Variants in SLC8A1 observed in about 807,000 individuals in gnomAD.
SLC8A1 encodes the protein sodium/calcium exchanger 1.
In SLC8A1, 18 loss-of-function variants were observed where a neutral mutation model predicts 68.3. The observed-to-expected ratio is 0.26, with a 90% CI of 0.18 to 0.39. SLC8A1 has a LOEUF of 0.39. Ranked by LOEUF, SLC8A1 falls within the 10% of genes least tolerant of loss-of-function variation. SLC8A1 has a pLI of 1.00. For missense variants in SLC8A1, 985 were observed against 1,156.7 expected, an observed-to-expected ratio of 0.85 and a Z score of 2.15; for synonymous variants, 475 against 415.5, an observed-to-expected ratio of 1.14 and a Z score of -1.74.
intron 2 of SLC8A1, among the ~76,000 whole-genome samples, chr2:40,247,806 G>A (rs754249288): frequency 6.6e-6 from 1 of 152,192 alleles, no homozygotes; most frequent in Non-Finnish European, 1.5e-5. Context: ...AACCCAATAT[G>A]CACAGAAGTT....
intron 2 of SLC8A1, among the ~76,000 whole-genome samples, chr2:40,180,704 C>T (rs1029273839): frequency 2.0e-5 from 3 of 152,188 alleles, no homozygotes; most frequent in Non-Finnish European, 4.4e-5. Context: ...TTAAAAACAT[C>T]TGACGTTATA....
At chr2:40,407,714 T>C (rs1239081057) in intron 2 of SLC8A1, among the ~76,000 whole-genome samples, 10 of 152,226 alleles carry the variant, frequency 6.6e-5, no homozygotes, top group Admixed American at 5.9e-4. Flanking sequence ...TTGTTTACCC[T>C]TATGTCCCCA....
chr2:40,209,040 CAAA>C (rs919296128), intron 2 of SLC8A1: 4 of 149,708 alleles, frequency 2.7e-5, no homozygotes, highest in African/African-American at 9.8e-5. Context: ...ATCAGTGAAA[CAAA>C]AGAAGAAAAA....
In SLC8A1 at chr2:40,341,414, C is replaced by G. The variant is rs140739328; in HGVS notation, c.1808+87059G>C. Among the ~76,000 whole-genome samples the G allele has an allele frequency of 4.5e-3, 678 of 152,250 alleles. 25 individuals are homozygous for G. The highest frequency in any genetic ancestry group is 0.036 in the Admixed American group (547 of 15,286). On this transcript the variant is annotated intron_variant, in intron 2 of 7. Coordinates refer to ENST00000406785, the Ensembl canonical transcript of SLC8A1. ...ATCATAACACCATGACTCATTGAAACTATTGTGGAGTCTAAATCAAGTAAA... is the reference window on the plus strand; with the variant it reads ...ATCATAACACCATGACTCATTGAAAGTATTGTGGAGTCTAAATCAAGTAAA...
chr2:40,139,328 G>T, intron 7 of SLC8A1, 73 bp downstream of exon 10: 1 of 1,537,018 alleles, frequency 6.5e-7, no homozygotes, highest in Non-Finnish European at 8.9e-7. Flanking sequence ...CCTTGAAATT[G>T]TAGGAAAGAA....
chr2:40,149,903 G>T (rs1166608603), intron 6 of SLC8A1, among the ~76,000 whole-genome samples: 10 of 152,066 alleles, frequency 6.6e-5, no homozygotes. Flanking sequence ...GGCAGACATG[G>T]AGTATCTGAT....
intron 2 of SLC8A1, among the ~76,000 whole-genome samples, chr2:40,341,345 A>C (rs1037166573): frequency 2.6e-5 from 4 of 152,230 alleles, no homozygotes; most frequent in South Asian, 4.1e-4. Context: ...TAGTGGCTAA[A>C]AACAGCTGTC....
chr2:40,408,899 A>G (rs1691240257), intron 2 of SLC8A1, among the ~76,000 whole-genome samples: 1 of 152,172 alleles, frequency 6.6e-6, no homozygotes, highest in Admixed American at 6.6e-5. Context: ...AAATATAGCC[A>G]TAAGAACCAT....
chr2:40,327,592 C>A (rs1285114362), intron 2 of SLC8A1, among the ~76,000 whole-genome samples: 1 of 147,422 alleles, frequency 6.8e-6, no homozygotes, highest in Non-Finnish European at 1.5e-5. Context: ...TAAAAAAAAA[C>A]ATGTTCTTTG....
chr2:40,278,904 T>C (rs1019366550), intron 2 of SLC8A1, among the ~76,000 whole-genome samples: 7 of 152,182 alleles, frequency 4.6e-5, no homozygotes, highest in Admixed American at 6.5e-5. Flanking sequence ...TACCCTAAAA[T>C]TTTTTGACTT....
intron 6 of SLC8A1, among the ~76,000 whole-genome samples, chr2:40,142,738 A>G (rs1184044149): frequency 6.6e-6 from 1 of 152,184 alleles, no homozygotes; most frequent in Non-Finnish European, 1.5e-5. Context: ...TCATGTTTGT[A>G]AAGTGTCTGA....
chr2:40,200,417 G>A (rs1188370178), intron 2 of SLC8A1, among the ~76,000 whole-genome samples: 1 of 147,452 alleles, frequency 6.8e-6, no homozygotes, highest in Non-Finnish European at 1.5e-5. Flanking sequence ...CTTAAATTAT[G>A]ATTCCAATGC....
At chr2:40,288,992 C>A (rs1270163213) in intron 2 of SLC8A1, among the ~76,000 whole-genome samples, 1 of 151,440 alleles carries the variant, frequency 6.6e-6, no homozygotes, top group African/African-American at 2.4e-5. Flanking sequence ...AGGCGTGAGC[C>A]ACTGGGCCAA....
exon 8 of SLC8A1, chr2:40,109,592 A>G (rs761175642): frequency 6.6e-6 from 1 of 152,112 alleles, no homozygotes; most frequent in Non-Finnish European, 1.5e-5. Flanking sequence ...TCAGAAAAAC[A>G]TGTCTTGAGC....
chr2:40,194,586 A>C (rs760136394), intron 2 of SLC8A1, among the ~76,000 whole-genome samples: 4 of 151,992 alleles, frequency 2.6e-5, no homozygotes, highest in Non-Finnish European at 5.9e-5. Context: ...GAGTTTTATG[A>C]TAAGAAATAG....
intron 1 of SLC8A1, among the ~76,000 whole-genome samples, chr2:40,440,561 A>C (rs2149826396): frequency 6.6e-6 from 1 of 152,278 alleles, no homozygotes; most frequent in South Asian, 2.1e-4. Context: ...GACAGACGTA[A>C]TCTCTCTCCT....
intron 7 of SLC8A1, among the ~76,000 whole-genome samples, chr2:40,136,402 A>C (rs542987001): frequency 1.3e-5 from 2 of 152,306 alleles, no homozygotes; most frequent in South Asian, 4.1e-4. Flanking sequence ...GTATGGTAAA[A>C]ACACTTTTGA....
At chr2:40,177,010 G>A (rs991224355) in intron 3 of SLC8A1, among the ~76,000 whole-genome samples, 7 of 151,190 alleles carry the variant, frequency 4.6e-5, no homozygotes, top group African/African-American at 1.7e-4. Flanking sequence ...CAGCAAAATC[G>A]GCATAATCTA....
At chr2:40,149,944 G>A (rs417614) in intron 6 of SLC8A1, among the ~76,000 whole-genome samples, 48,430 of 151,062 alleles carry the variant, frequency 0.32, 8,434 homozygotes, top group African/African-American at 0.45. Flanking sequence ...AACTCCAGAA[G>A]AAAAATGAGC....
Sources: gnomAD v4.1 joint callset for allele counts (sites outside exome capture counted in the v4.1 genomes callset) on GRCh38, gnomAD v4.1.1 for gene constraint, MANE v1.5 for transcripts, NCBI Gene and HGNC (gene_info 2026-07-23, HGNC 2026-07-21) for gene names.